Variants in UNC13B observed in about 807,000 individuals in gnomAD.
UNC13B encodes the protein protein unc-13 homolog B.
In UNC13B, 144 loss-of-function variants were observed where a neutral mutation model predicts 211.0. The ratio of observed to expected loss-of-function variants is 0.68; its 90% CI spans 0.60 to 0.78. The LOEUF is 0.78. Among genes scored for constraint, UNC13B ranks in the 30% least tolerant of loss-of-function variants. The pLI is 0.00. For synonymous variants in UNC13B, 709 were observed against 725.8 expected (o/e 0.98, Z 0.37); for missense variants, 1,777 against 2,002.0 (o/e 0.89, Z 2.14).
At chr9:35,336,124 G>A (rs1396620917) in intron 11 of UNC13B, among the ~76,000 whole-genome samples, 1 of 152,028 alleles carries the variant, frequency 6.6e-6, no homozygotes, top group Non-Finnish European at 1.5e-5. Flanking sequence ...GTCCTAACCT[G>A]TAACTGATAA....
chr9:35,299,115 C>A (rs1829544673), intron 8 of UNC13B, among the ~76,000 whole-genome samples: 1 of 152,032 alleles, frequency 6.6e-6, no homozygotes. Context: ...GCCTGTAGAC[C>A]CAGCTACTCG....
intron 1 of UNC13B, among the ~76,000 whole-genome samples, chr9:35,196,557 G>A (rs1011825574): frequency 6.6e-6 from 1 of 152,106 alleles, no homozygotes; most frequent in African/African-American, 2.4e-5. Flanking sequence ...AGGATGCTCT[G>A]CCCAGGCATT....
rs778712107 is a variant in UNC13B, at chr9:35,397,720, C to T, written c.11754+8C>T. 6.2e-7 allele frequency: 1 copy of T among 1,613,840 alleles called. No homozygotes were observed. Among genetic ancestry groups the T allele is most frequent in the Non-Finnish European group, 8.5e-7 (1 of 1,179,896 alleles). ...TGCACAAAGGAGAAACTGGTAGGTTCAGGCCCTGGGACTCTTACAGAAAGA... is the reference window on the plus strand; with the variant it reads ...TGCACAAAGGAGAAACTGGTAGGTTTAGGCCCTGGGACTCTTACAGAAAGA... On this transcript the variant is annotated splice_region_variant and intron_variant, in intron 30 of 39. Coordinates refer to ENST00000635942, the MANE Select transcript of UNC13B (RefSeq NM_001371189.2).
chr9:35,164,790 T>C (rs1820947421), intron 1 of UNC13B, among the ~76,000 whole-genome samples: 1 of 152,252 alleles, frequency 6.6e-6, no homozygotes, highest in African/African-American at 2.4e-5. Flanking sequence ...TCTACTTTTT[T>C]TGTTGTTGAA....
At position 35,381,041 on chromosome 9, in the gene UNC13B, G is replaced by A. The variant is rs548109525; in HGVS notation, c.10376-59G>A. 4.5e-5 allele frequency: 68 copies of A among 1,512,274 alleles called. No homozygotes were observed. The East Asian group carries it at 1.4e-3, about 31-fold the overall frequency. The allele number at this position is 1,512,274 out of a possible 1,614,324, so 93.7% of individuals were successfully genotyped here. A position where few individuals can be genotyped will look rare whatever the true frequency, so the allele number is the denominator to read the frequency against. On this transcript the variant is annotated intron_variant, in intron 18 of 39. Coordinates refer to ENST00000635942, the MANE Select transcript of UNC13B (RefSeq NM_001371189.2). ...CTCTTCCTTGGGTTAAGCCAGAATG[G>A]AACTATCTATGCTGTCTAGTTGCAT...
intron 1 of UNC13B, among the ~76,000 whole-genome samples, chr9:35,213,685 T>G (rs892429569): frequency 2.6e-5 from 4 of 152,148 alleles, no homozygotes; most frequent in African/African-American, 9.7e-5. Flanking sequence ...CTAGAAAATA[T>G]TCACAGGAAG....
chr9:35,244,204 A>T (rs1825960727), intron 6 of UNC13B, among the ~76,000 whole-genome samples: 1 of 152,288 alleles, frequency 6.6e-6, no homozygotes, highest in Admixed American at 6.5e-5. Context: ...AAGAGAGAGA[A>T]TAAGATAACC....
chr9:35,376,708 A>G (rs1404025385), intron 15 of UNC13B, among the ~76,000 whole-genome samples: 2 of 152,196 alleles, frequency 1.3e-5, no homozygotes, highest in Admixed American at 6.5e-5. Context: ...TTTTTAGACA[A>G]TAGTGCCAGA....
Position 35,309,987 on chromosome 9 carries a change from G to A in UNC13B, c.9009-480G>A, listed in dbSNP as rs77269816. Among the ~76,000 whole-genome samples, 321 of 152,248 alleles carry A rather than the reference G, an allele frequency of 2.1e-3. 2 individuals carry two copies. The highest frequency in any genetic ancestry group is 6.5e-3 in the African/African-American group (269 of 41,544). Reference sequence around the variant, plus strand: ...CCTTTGCTCATCCTAAGGTACAGGCGTACACATTTACAATTGTAGAGGAAG... The same window carrying A: ...CCTTTGCTCATCCTAAGGTACAGGCATACACATTTACAATTGTAGAGGAAG... On this transcript the variant is annotated intron_variant, in intron 9 of 39. Transcript: ENST00000635942.
chr9:35,308,961 A>C (rs1280791605), intron 9 of UNC13B, among the ~76,000 whole-genome samples: 3 of 152,196 alleles, frequency 2.0e-5, no homozygotes, highest in Non-Finnish European at 4.4e-5. Flanking sequence ...ATCCTATTCC[A>C]TACAGATTTG....
At position 35,382,495 on chromosome 9, in the gene UNC13B, C is replaced by T. The variant is rs772347689; in HGVS notation, c.10794C>T (p.Ala3598=). 2.5e-6 allele frequency: 4 copies of T among 1,612,812 alleles called. No individual in the cohort carries two copies. The highest frequency in any genetic ancestry group is 1.3e-5 in the African/African-American group (1 of 74,842). Reference sequence around the variant, plus strand: ...TCTCTGCATCTGATCGCTTTGCAGCCTCCAACTTTGGGGTAAGTATCATGT... The same window carrying T: ...TCTCTGCATCTGATCGCTTTGCAGCTTCCAACTTTGGGGTAAGTATCATGT... The part of the protein sequence containing the change: ...TNVSASDRFA[A]SNFGKERFVK... Residue 3598 remains alanine, a synonymous_variant, in exon 21 of 40, where the codon GCC becomes GCT. Coordinates refer to ENST00000635942, the MANE Select transcript of UNC13B (RefSeq NM_001371189.2).
chr9:35,281,431 AGAGG>A (rs1271102657), intron 7 of UNC13B, among the ~76,000 whole-genome samples: 1 of 143,464 alleles, frequency 7.0e-6, no homozygotes, highest in Non-Finnish European at 1.6e-5. Flanking sequence ...AAAGAGAGAG[AGAGG>A]AATGAAAGTC....
At chr9:35,377,805 GA>G in intron 16 of UNC13B, 110 bp downstream of exon 16, 1 of 1,151,848 alleles carries the variant, frequency 8.7e-7, no homozygotes. Context: ...AAAGAAAAAG[GA>G]AATCACTGGG....
Position 35,165,607 on chromosome 9 carries a change from C to T in UNC13B, c.22+3302C>T, listed in dbSNP as rs903851882. On this transcript the variant is annotated intron_variant, in intron 1 of 39. Transcript: ENST00000635942. ...TAATTTTTTGTATTTTTAGTAGAGA[C>T]GGGGTTTCACCATGTTGGCCAGGCT... Among the ~76,000 whole-genome samples the T allele has an allele frequency of 5.3e-5, 8 of 151,460 alleles. No individual in the cohort carries two copies. In the South Asian group the frequency reaches 1.2e-3, roughly 24 times the overall value.
intron 7 of UNC13B, among the ~76,000 whole-genome samples, chr9:35,276,953 A>G (rs965038408): frequency 6.6e-6 from 1 of 152,204 alleles, no homozygotes; most frequent in African/African-American, 2.4e-5. Flanking sequence ...CCTACCACTC[A>G]TCATTATCCT....
At chr9:35,215,884 AC>A (rs1397404939) in intron 1 of UNC13B, among the ~76,000 whole-genome samples, 1 of 152,184 alleles carries the variant, frequency 6.6e-6, no homozygotes, top group African/African-American at 2.4e-5. Flanking sequence ...TCCCTAACTT[AC>A]TTTATGATGA....
Position 35,384,243 on chromosome 9 carries a change from CAGAA to C in UNC13B, c.10808_10811del (p.Lys3603ArgfsTer4). On this transcript the variant is annotated splice_acceptor_variant and coding_sequence_variant, in exon 22 of 40. Coordinates refer to ENST00000635942, the MANE Select transcript of UNC13B (RefSeq NM_001371189.2). LOFTEE classifies it high-confidence loss of function. ...TTCCCCTTTATTTGTTTCTCACCCTCAGAAAGAGAGATTTGTAAAACTGCTGGAC... is the reference window on the plus strand; with the variant it reads ...TTCCCCTTTATTTGTTTCTCACCCTCAGAGAGATTTGTAAAACTGCTGGAC... The C allele has an allele frequency of 6.2e-7, 1 of 1,614,002 alleles. No individual in the cohort carries two copies. The highest frequency in any genetic ancestry group is 8.5e-7 in the Non-Finnish European group (1 of 1,179,934).
At chr9:35,399,868 C>G (rs1231613844) in intron 36 of UNC13B, 139 bp downstream of exon 36, 4 of 842,848 alleles carry the variant, frequency 4.7e-6, no homozygotes, top group Non-Finnish European at 7.6e-6. Flanking sequence ...GCCAAGGATA[C>G]AGAATCAGAT....
chr9:35,385,605 C>G, intron 22 of UNC13B, 119 bp from the exon 23 acceptor site: 1 of 1,425,770 alleles, frequency 7.0e-7, no homozygotes, highest in East Asian at 2.5e-5. Flanking sequence ...TTTTGGCCAG[C>G]TCAACTAGAG....
Sources: allele counts gnomAD v4.1 joint callset (sites outside exome capture counted in the v4.1 genomes callset), GRCh38; gene constraint gnomAD v4.1.1; transcripts MANE v1.5; gene names NCBI Gene and HGNC (gene_info 2026-07-23, HGNC 2026-07-21).